HNF4G: variants seen among roughly 807,000 people sequenced by gnomAD.
HNF4G encodes hepatocyte nuclear factor 4-gamma.
HNF4G carries 21 observed loss-of-function variants against 50.9 expected under a neutral mutation model. The ratio of observed to expected loss-of-function variants is 0.41; its 90% confidence interval spans 0.29 to 0.59. The LOEUF is 0.59. Among genes scored for constraint, HNF4G ranks in the 20% least tolerant of loss-of-function variants. The probability of loss-of-function intolerance (pLI) is 0.26; values close to 1 mark genes in which losing one functional copy is unlikely to be tolerated. For missense variants in HNF4G, 527 were observed against 559.4 expected, an observed-to-expected ratio of 0.94 and a Z score of 0.58; for synonymous variants, 198 against 185.6, an observed-to-expected ratio of 1.07 and a Z score of -0.54.
upstream of HNF4G, among the ~76,000 whole-genome samples, chr8:75,535,598 T>C (rs909689868): frequency 6.6e-6 from 1 of 151,870 alleles, no homozygotes; most frequent in Non-Finnish European, 1.5e-5. Flanking sequence ...GAGATTGATA[T>C]GTAGTGCTTT....
intron 2 of HNF4G, chr8:75,495,429 A>C (rs1028797178): frequency 2.0e-5 from 3 of 152,056 alleles, no homozygotes; most frequent in Non-Finnish European, 4.4e-5. Flanking sequence ...TGTGCTGAGG[A>C]GCTAACAGGA....
At chr8:75,449,979 C>G (rs1340056382) in intron 1 of HNF4G, among the ~76,000 whole-genome samples, 1 of 152,098 alleles carries the variant, frequency 6.6e-6, no homozygotes, top group Non-Finnish European at 1.5e-5. Context: ...AATTTTGTGT[C>G]CTTTGACAAC....
chr8:75,510,005 A>C (rs1805704504), intron 2 of HNF4G, among the ~76,000 whole-genome samples: 1 of 152,172 alleles, frequency 6.6e-6, no homozygotes, highest in African/African-American at 2.4e-5. Flanking sequence ...GAGGTATTCC[A>C]GAGAAAGGCA....
chr8:75,558,505 T>C lies in HNF4G; in HGVS notation c.734-13T>C. 1 of 1,600,020 alleles carries C rather than the reference T, an allele frequency of 6.2e-7. No individual in the cohort carries two copies. Among genetic ancestry groups the C allele is most frequent in the Non-Finnish European group, 8.5e-7 (1 of 1,176,052 alleles). On this transcript the variant is annotated splice_polypyrimidine_tract_variant and intron_variant, in intron 6 of 9. Coordinates refer to ENST00000396423, the MANE Select transcript of HNF4G (RefSeq NM_004133.5). ...TTATTTTGTTTTGTTTTGTTTTGTT[T>C]TCTCTCTCATAGGAAACAACTATGT... is the stretch of plus-strand genomic sequence containing the variant.
chr8:75,523,533 C>G (rs1418963955), intron 2 of HNF4G, among the ~76,000 whole-genome samples: 2 of 151,892 alleles, frequency 1.3e-5, no homozygotes, highest in African/African-American at 4.8e-5. Context: ...TATTTTGAAC[C>G]CTAGTGATAA....
At chr8:75,497,344 G>T (rs1053978644) in intron 2 of HNF4G, among the ~76,000 whole-genome samples, 1 of 152,124 alleles carries the variant, frequency 6.6e-6, no homozygotes, top group African/African-American at 2.4e-5. Flanking sequence ...ATTAAAAGAG[G>T]TATAAAGTAC....
At chr8:75,504,434 G>A (rs1318328245) in intron 2 of HNF4G, among the ~76,000 whole-genome samples, 1 of 151,976 alleles carries the variant, frequency 6.6e-6, no homozygotes. Flanking sequence ...GGGATTACTA[G>A]GTCAAAAGTT....
chr8:75,434,002 CTTTTTTTTTTTT>C (rs139429237), intron 1 of HNF4G, among the ~76,000 whole-genome samples: 2 of 123,280 alleles, frequency 1.6e-5, no homozygotes, highest in African/African-American at 3.0e-5. Context: ...TGTTTCTTTT[CTTTTTTTTTTTT>C]TTTTTTTTGA....
chr8:75,430,845 A>C (rs1287693886), intron 1 of HNF4G, among the ~76,000 whole-genome samples: 2 of 152,168 alleles, frequency 1.3e-5, no homozygotes, highest in Non-Finnish European at 2.9e-5. Context: ...ACAGAATAGA[A>C]CATCTCAGTG....
intron 2 of HNF4G, among the ~76,000 whole-genome samples, chr8:75,522,100 G>A (rs1382933250): frequency 1.3e-5 from 2 of 152,160 alleles, no homozygotes; most frequent in Non-Finnish European, 2.9e-5. Context: ...AGCTTTGGAG[G>A]CTATAAAGCT....
At position 75,530,452 on chromosome 8, in the gene HNF4G, A is replaced by C. The variant is rs1242705364; in HGVS notation, c.-23-13359A>C. On this transcript the variant is annotated intron_variant, in intron 2 of 10. Coordinates refer to the HNF4G transcript ENST00000354370. ...TAATAAAAAAAAAAAATACTACCTA[A>C]GGAAACCCAGCAGCCAGAGAAAGGA... Among the ~76,000 whole-genome samples, 5 of 152,120 alleles carry C rather than the reference A, an allele frequency of 3.3e-5. No individual in the cohort carries two copies. In the East Asian group the frequency reaches 9.7e-4, roughly 30 times the overall value.
chr8:75,439,582 C>T (rs1018477233), intron 1 of HNF4G, among the ~76,000 whole-genome samples: 1 of 151,948 alleles, frequency 6.6e-6, no homozygotes, highest in Non-Finnish European at 1.5e-5. Context: ...GTGTAAACAG[C>T]AATGAATATA....
At chr8:75,437,137 A>T (rs2130535542) in intron 1 of HNF4G, among the ~76,000 whole-genome samples, 2 of 152,348 alleles carry the variant, frequency 1.3e-5, no homozygotes, top group South Asian at 4.1e-4. Flanking sequence ...AAATATTTGC[A>T]TTGCCCATGA....
At chr8:75,442,044 A>T (rs1366194457) in intron 1 of HNF4G, among the ~76,000 whole-genome samples, 15 of 152,218 alleles carry the variant, frequency 9.9e-5, no homozygotes, top group Non-Finnish European at 1.8e-4. Context: ...CGGGAAAAAA[A>T]TCAAGTCAGA....
At chr8:75,530,250 A>C (rs1239988321) in intron 2 of HNF4G, among the ~76,000 whole-genome samples, 2 of 152,156 alleles carry the variant, frequency 1.3e-5, no homozygotes, top group Non-Finnish European at 2.9e-5. Context: ...CAGACTTTGT[A>C]GTTGAAGGCA....
rs79381695 is a variant in HNF4G, at chr8:75,419,171, G to A, written c.-144+11009G>A. On this transcript the variant is annotated intron_variant, in intron 1 of 10. Coordinates refer to the HNF4G transcript ENST00000354370. ...AAGTTCTGTGGACATGCATGTTTGT[G>A]TCCCTGAGACTATCAGAAGTTAAAC... Among the ~76,000 whole-genome samples the A allele has an allele frequency of 4.4e-3, 665 of 152,312 alleles. 4 individuals are homozygous for A. Among genetic ancestry groups the A allele is most frequent in the Middle Eastern group, 0.01 (3 of 294 alleles).
At chr8:75,483,053 CAT>C (rs1391432856) in intron 1 of HNF4G, among the ~76,000 whole-genome samples, 4 of 152,210 alleles carry the variant, frequency 2.6e-5, no homozygotes, top group East Asian at 1.9e-4. Context: ...AACTCAATGA[CAT>C]GTGAACTGAA....
At chr8:75,505,594 AT>A (rs1360061676) in intron 2 of HNF4G, among the ~76,000 whole-genome samples, 2 of 151,796 alleles carry the variant, frequency 1.3e-5, no homozygotes, top group African/African-American at 4.8e-5. Flanking sequence ...TTACCTCTCA[AT>A]TTTTTTGAGT....
intron 2 of HNF4G, among the ~76,000 whole-genome samples, chr8:75,528,831 G>A (rs1308466351): frequency 6.6e-6 from 1 of 152,084 alleles, no homozygotes; most frequent in African/African-American, 2.4e-5. Context: ...CTGCTATAAA[G>A]ATACTACCTG....
Sources: allele counts gnomAD v4.1 joint callset (sites outside exome capture counted in the v4.1 genomes callset), GRCh38; gene constraint gnomAD v4.1.1; transcripts MANE v1.5; gene names NCBI Gene and HGNC (gene_info 2026-07-23, HGNC 2026-07-21).